The following SFMBT1 variants were observed in gnomAD, a reference collection of about 807,000 sequenced individuals.
The protein encoded by SFMBT1 is Scm like with four mbt domains 1, also known as scm-like with four MBT domains protein 1.
In SFMBT1, 32 loss-of-function variants were observed where a neutral mutation model predicts 108.7. The ratio of observed to expected loss-of-function variants is 0.29; its 90% confidence interval spans 0.22 to 0.40. The LOEUF (loss-of-function observed/expected upper bound fraction) is 0.40. Ranked by LOEUF, SFMBT1 falls within the 10% of genes least tolerant of loss-of-function variation. The probability of loss-of-function intolerance (pLI) is 1.00; values close to 1 mark genes in which losing one functional copy is unlikely to be tolerated. For missense variants in SFMBT1, 816 were observed against 1,059.6 expected (o/e 0.77, Z 3.19); for synonymous variants, 348 against 369.5 (o/e 0.94, Z 0.67).
chr3:53,014,871 G>A (rs1699073151), intron 1 of SFMBT1, among the ~76,000 whole-genome samples: 2 of 152,114 alleles, frequency 1.3e-5, no homozygotes, highest in Non-Finnish European at 1.5e-5. Flanking sequence ...AAAGCATAAA[G>A]CAACCTCCCT....
chr3:52,909,155 G>A (rs1702153974), intron 17 of SFMBT1, among the ~76,000 whole-genome samples: 1 of 152,116 alleles, frequency 6.6e-6, no homozygotes, highest in African/African-American at 2.4e-5. Context: ...TACTAACTGG[G>A]AAAAATTATA....
chr3:52,907,825 G>C (rs1702110817), intron 17 of SFMBT1, 92 bp from the exon 18 acceptor site: 1 of 1,185,236 alleles, frequency 8.4e-7, no homozygotes, highest in South Asian at 1.5e-5. Flanking sequence ...GCAAAAAACA[G>C]GTACATTGTA....
At chr3:53,004,394 T>A (rs1012805124) in intron 1 of SFMBT1, among the ~76,000 whole-genome samples, 1 of 149,480 alleles carries the variant, frequency 6.7e-6, no homozygotes, top group African/African-American at 2.4e-5. Flanking sequence ...TGCCTCAGCC[T>A]CCCAAGTAGC....
At chr3:53,002,171 C>T (rs1163458949) in intron 1 of SFMBT1, among the ~76,000 whole-genome samples, 1 of 149,538 alleles carries the variant, frequency 6.7e-6, no homozygotes, top group Non-Finnish European at 1.5e-5. Flanking sequence ...GAGGCCGAGG[C>T]AGGTGGATCA....
chr3:52,957,738 G>C (rs1703826304), intron 2 of SFMBT1, among the ~76,000 whole-genome samples: 1 of 152,146 alleles, frequency 6.6e-6, no homozygotes. Context: ...ATGGTGCTGG[G>C]AGAACTGACT....
chr3:52,998,346 C>A (rs1257851169), intron 1 of SFMBT1, among the ~76,000 whole-genome samples: 2 of 150,036 alleles, frequency 1.3e-5, no homozygotes, highest in Non-Finnish European at 3.0e-5. Flanking sequence ...GAGCCGAGAT[C>A]GCGCCACTGC....
intron 2 of SFMBT1, among the ~76,000 whole-genome samples, chr3:52,964,413 C>G (rs916800835): frequency 5.9e-5 from 9 of 152,156 alleles, no homozygotes; most frequent in African/African-American, 2.2e-4. Flanking sequence ...ACTTGGGAGG[C>G]TGAGGTGGGA....
chr3:53,006,703 G>C (rs1698756356), intron 1 of SFMBT1, among the ~76,000 whole-genome samples: 1 of 151,888 alleles, frequency 6.6e-6, no homozygotes, highest in Non-Finnish European at 1.5e-5. Flanking sequence ...TAAGGGTCTT[G>C]AGCATCTATG....
chr3:52,928,619 CATATAT>C (rs1341930056), intron 8 of SFMBT1: 2 of 37,568 alleles, frequency 5.3e-5, no homozygotes, highest in Non-Finnish European at 1.4e-4. Context: ...CATATATATA[CATATAT>C]ACATATATAT....
chr3:52,953,446 C>CAAA (rs34095086), intron 3 of SFMBT1, among the ~76,000 whole-genome samples: 1 of 148,560 alleles, frequency 6.7e-6, no homozygotes. Flanking sequence ...CCCCCCTCAC[C>CAAA]AAAAAAAAAA....
chr3:52,998,027 G>T (rs1698400779), intron 1 of SFMBT1, among the ~76,000 whole-genome samples: 1 of 150,400 alleles, frequency 6.6e-6, no homozygotes, highest in African/African-American at 2.4e-5. Context: ...GTGGCATTAA[G>T]GACATTCACA....
chr3:52,948,567 G>GT (rs1375118376), intron 3 of SFMBT1, among the ~76,000 whole-genome samples: 1 of 151,736 alleles, frequency 6.6e-6, no homozygotes, highest in Admixed American at 6.6e-5. Flanking sequence ...TGAACAAGGT[G>GT]TATCCCTTCA....
chr3:52,908,326 C>T (rs113789993), intron 17 of SFMBT1, among the ~76,000 whole-genome samples: 2,474 of 152,152 alleles, frequency 0.016, 67 homozygotes, highest in African/African-American at 0.056. Context: ...CCCGCCTTGG[C>T]CTCCCAAAGT....
intron 17 of SFMBT1, among the ~76,000 whole-genome samples, chr3:52,909,062 A>C (rs1702151412): frequency 6.6e-6 from 1 of 152,226 alleles, no homozygotes; most frequent in East Asian, 1.9e-4. Context: ...TTATGTATTA[A>C]AGTAATATCA....
rs200381952 is a variant in SFMBT1, at chr3:52,934,826, G to A, written c.440C>T (p.Pro147Leu). ...AGTAATACTCACGCCCTCTAGCAGC[G>A]GAACAGGAGGACTACATGCTCCTAT... ...TLIGACSPPV[P>L]LLEGLRNGRN... The change falls in exon 5 of 21, where the codon CCG becomes CTG. Residue 147 changes from proline (P) to leucine (L), a missense_variant. Around this residue, in one of 5 missense-constraint regions of SFMBT1, gnomAD observed 495 missense variants for 607.4 expected, o/e 0.81. Transcript: ENST00000394752. 29 of 1,613,032 alleles carry A rather than the reference G, an allele frequency of 1.8e-5. No homozygotes were observed. Among genetic ancestry groups the A allele is most frequent in the South Asian group, 1.4e-4 (13 of 90,884 alleles).
In SFMBT1 at chr3:52,930,976, C is replaced by T; in HGVS notation, c.760G>A (p.Glu254Lys). 1 of 1,614,052 alleles carries T rather than the reference C, an allele frequency of 6.2e-7. No individual in the cohort carries two copies. The highest frequency in any genetic ancestry group is 8.5e-7 in the Non-Finnish European group (1 of 1,179,952). ...WQEILAKVKE[E>K]EEEPLPSYLF... ...TAAGATGGTAATGGCTCTTCCTCTT[C>T]CTCTTTCACTTTGGCCAAAATCTCT... The change falls in exon 7 of 21, where the codon GAA becomes AAA. Residue 254 changes from glutamate to lysine, a missense_variant. By Grantham distance (56) the Glu-to-Lys change is moderately conservative. Around this residue, in one of 5 missense-constraint regions of SFMBT1, gnomAD observed 495 missense variants for 607.4 expected, o/e 0.81. Coordinates refer to ENST00000394752, the MANE Select transcript of SFMBT1 (RefSeq NM_016329.4).
At chr3:52,985,971 C>T (rs1038485160) in intron 1 of SFMBT1, among the ~76,000 whole-genome samples, 9 of 151,812 alleles carry the variant, frequency 5.9e-5, no homozygotes, top group Non-Finnish European at 1.3e-4. Context: ...GGTGAAACCC[C>T]GTCTCTACTA....
At chr3:52,980,449 G>A (rs1252296178) in intron 1 of SFMBT1, among the ~76,000 whole-genome samples, 1 of 152,078 alleles carries the variant, frequency 6.6e-6, no homozygotes, top group Admixed American at 6.5e-5. Flanking sequence ...CATTTTTCAT[G>A]ATGCTTAGTG....
intron 1 of SFMBT1, among the ~76,000 whole-genome samples, chr3:53,018,824 T>C (rs1454735375): frequency 6.6e-6 from 1 of 152,210 alleles, no homozygotes; most frequent in Non-Finnish European, 1.5e-5. Context: ...TCTCAGGTAC[T>C]GTGACACTAC....
Sources: gnomAD v4.1 joint callset for allele counts (sites outside exome capture counted in the v4.1 genomes callset) on GRCh38, gnomAD v4.1.1 for gene constraint, gnomAD v4.1.1 regional missense constraint, MANE v1.5 for transcripts, NCBI Gene and HGNC (gene_info 2026-07-23, HGNC 2026-07-21) for gene names.